Variants in SYT16 observed in about 807,000 individuals in gnomAD.
SYT16 encodes the protein synaptotagmin-16.
In SYT16, 42 loss-of-function variants were observed where a neutral mutation model predicts 61.4. The ratio of observed to expected loss-of-function variants is 0.68; its 90% CI spans 0.53 to 0.89. The LOEUF is 0.89. Ranked by LOEUF, SYT16 falls within the 40% of genes least tolerant of loss-of-function variation. The probability of loss-of-function intolerance (pLI) is 0.00; values close to 1 mark genes in which losing one functional copy is unlikely to be tolerated. For synonymous variants in SYT16, 314 were observed against 302.3 expected (o/e 1.04, Z -0.40); for missense variants, 804 against 807.3 (o/e 1.00, Z 0.05).
intron 1 of SYT16, among the ~76,000 whole-genome samples, chr14:61,886,909 T>C (rs2047929603): frequency 6.8e-6 from 1 of 147,592 alleles, no homozygotes; most frequent in African/African-American, 2.5e-5. Context: ...TTTTTTTTTT[T>C]TTCCTTTTTA....
intron 3 of SYT16, among the ~76,000 whole-genome samples, chr14:62,039,834 T>TACACAC (rs71449576): frequency 0.058 from 7,162 of 124,298 alleles, 283 homozygotes; most frequent in Admixed American, 0.094. Flanking sequence ...GGCTTAAGCA[T>TACACAC]ACACACACAC....
At chr14:62,048,628 C>G (rs574965768) in intron 3 of SYT16, among the ~76,000 whole-genome samples, 27 of 152,264 alleles carry the variant, frequency 1.8e-4, no homozygotes, top group African/African-American at 5.5e-4. Flanking sequence ...CTATAAAGTT[C>G]CCTCTACACA....
At chr14:62,082,738 C>T (rs910690010) in intron 6 of SYT16, among the ~76,000 whole-genome samples, 4 of 152,122 alleles carry the variant, frequency 2.6e-5, no homozygotes, top group Admixed American at 2.0e-4. Context: ...CGTGATAGAG[C>T]TTGGGAATGG....
At chr14:61,957,931 C>T (rs577768755) in intron 1 of SYT16, among the ~76,000 whole-genome samples, 31 of 151,804 alleles carry the variant, frequency 2.0e-4, no homozygotes, top group African/African-American at 7.0e-4. Flanking sequence ...GTCCTGGGCT[C>T]GACTTTGTTG....
chr14:62,015,470 A>G (rs1416410463), intron 3 of SYT16, among the ~76,000 whole-genome samples: 10 of 151,376 alleles, frequency 6.6e-5, no homozygotes, highest in Non-Finnish European at 1.5e-4. Context: ...CCTTATGAAG[A>G]CATTTGCCTT....
At chr14:62,084,161 G>C (rs2056806333) in intron 6 of SYT16, 35 bp from the exon 7 acceptor site, 1 of 1,603,886 alleles carries the variant, frequency 6.2e-7, no homozygotes, top group Non-Finnish European at 8.5e-7. Flanking sequence ...AGTGCAGCGT[G>C]GGCCAATGGA....
At chr14:62,055,289 A>G (rs996722101) in intron 3 of SYT16, among the ~76,000 whole-genome samples, 3 of 152,238 alleles carry the variant, frequency 2.0e-5, no homozygotes, top group Non-Finnish European at 4.4e-5. Flanking sequence ...AGGCATACAA[A>G]TGAGACAGCA....
At chr14:61,929,800 A>T (rs2140423259) in intron 1 of SYT16, among the ~76,000 whole-genome samples, 1 of 152,334 alleles carries the variant, frequency 6.6e-6, no homozygotes, top group South Asian at 2.1e-4. Context: ...AAAACTTTTG[A>T]TGGCTTAAAT....
intron 1 of SYT16, among the ~76,000 whole-genome samples, chr14:61,914,154 G>A (rs1034980784): frequency 4.6e-5 from 7 of 152,122 alleles, no homozygotes; most frequent in Non-Finnish European, 1.0e-4. Context: ...TAATTTCTCT[G>A]TAATATTTTG....
chr14:61,952,295 C>T (rs536463100), intron 1 of SYT16, among the ~76,000 whole-genome samples: 1 of 152,118 alleles, frequency 6.6e-6, no homozygotes, highest in Non-Finnish European at 1.5e-5. Context: ...TATTCTCTTC[C>T]CCATCTGGGA....
chr14:61,928,440 T>C (rs1380144050), intron 1 of SYT16, among the ~76,000 whole-genome samples: 1 of 152,222 alleles, frequency 6.6e-6, no homozygotes, highest in Non-Finnish European at 1.5e-5. Flanking sequence ...TTGGCATATA[T>C]GTCTTTGAGC....
intron 1 of SYT16, among the ~76,000 whole-genome samples, chr14:61,837,938 C>CAT (rs1221244664): frequency 5.3e-5 from 8 of 152,202 alleles, no homozygotes; most frequent in Admixed American, 1.3e-4. Flanking sequence ...TACTTCATAG[C>CAT]ATACACCAAA....
intron 1 of SYT16, among the ~76,000 whole-genome samples, chr14:61,887,882 C>T (rs1270638675): frequency 1.3e-5 from 2 of 152,170 alleles, no homozygotes; most frequent in African/African-American, 2.4e-5. Context: ...TCTTACCATG[C>T]CTGTGTTCAC....
chr14:61,987,413 A>G (rs1194300298), intron 2 of SYT16, among the ~76,000 whole-genome samples: 1 of 152,182 alleles, frequency 6.6e-6, no homozygotes, highest in African/African-American at 2.4e-5. Flanking sequence ...TAGAAAGATC[A>G]TGAAGTTCAT....
intron 7 of SYT16, 145 bp downstream of exon 7, chr14:62,084,530 A>C: frequency 1.2e-6 from 1 of 866,534 alleles, no homozygotes; most frequent in Non-Finnish European, 1.7e-6. Context: ...ATACCTCTGT[A>C]TTTTTTAAAT....
intron 2 of SYT16, among the ~76,000 whole-genome samples, chr14:61,976,883 C>A (rs1402886508): frequency 6.7e-6 from 1 of 148,758 alleles, no homozygotes. Flanking sequence ...TTTTTTTTTT[C>A]TATTGCATAG....
chr14:61,922,687 A>C (rs1008793216), intron 1 of SYT16, among the ~76,000 whole-genome samples: 2 of 152,258 alleles, frequency 1.3e-5, no homozygotes, highest in African/African-American at 4.8e-5. Flanking sequence ...CCTGAACCTA[A>C]AATTAAAGTA....
chr14:62,088,032 C>G (rs751109841), intron 7 of SYT16, among the ~76,000 whole-genome samples: 2 of 152,126 alleles, frequency 1.3e-5, no homozygotes, highest in Non-Finnish European at 1.5e-5. Flanking sequence ...TAAAATGGAA[C>G]AACCACTTTG....
intron 1 of SYT16, among the ~76,000 whole-genome samples, chr14:61,831,309 T>A (rs1468283916): frequency 1.3e-5 from 2 of 152,162 alleles, no homozygotes; most frequent in African/African-American, 4.8e-5. Context: ...GAAATGAGAG[T>A]CCCTTCAACA....
Sources: allele counts gnomAD v4.1 joint callset (sites outside exome capture counted in the v4.1 genomes callset), GRCh38; gene constraint gnomAD v4.1.1; transcripts MANE v1.5; gene names NCBI Gene and HGNC (gene_info 2026-07-23, HGNC 2026-07-21).